The following SEC24D variants were observed in gnomAD, a reference collection of about 807,000 sequenced individuals.
SEC24D encodes the protein protein transport protein Sec24D.
A neutral mutation model predicts 116.9 loss-of-function variants in SEC24D; 69 were observed. The observed-to-expected ratio is 0.59, with a 90% confidence interval of 0.49 to 0.72. The LOEUF (loss-of-function observed/expected upper bound fraction) is 0.72, where lower values mean the gene tolerates loss of function less well. Among genes scored for constraint, SEC24D ranks in the 30% least tolerant of loss-of-function variants. SEC24D has a pLI of 0.00. For missense variants in SEC24D, 1,131 were observed against 1,264.1 expected, an observed-to-expected ratio of 0.89 and a Z score of 1.60; for synonymous variants, 405 against 442.8, an observed-to-expected ratio of 0.91 and a Z score of 1.07.
In SEC24D at chr4:118,779,314, G is replaced by A. The variant is rs571898331; in HGVS notation, c.1042-11003C>T. Among the ~76,000 whole-genome samples the A allele has an allele frequency of 1.3e-3, 202 of 152,218 alleles. 1 individual carries two copies. Among genetic ancestry groups the A allele is most frequent in the Admixed American group, 5.0e-3 (77 of 15,286 alleles). On this transcript the variant is annotated intron_variant, in intron 8 of 22. Coordinates refer to ENST00000280551, the MANE Select transcript of SEC24D (RefSeq NM_014822.4). ...TTTATTAAGAGTTTTTAGCATGAAG[G>A]GTTGTTGAATTTTGTCAAAGGCCTT...
At chr4:118,810,562 A>G (rs1729879335) in intron 6 of SEC24D, among the ~76,000 whole-genome samples, 1 of 152,222 alleles carries the variant, frequency 6.6e-6, no homozygotes, top group Non-Finnish European at 1.5e-5. Flanking sequence ...GGAATTACCT[A>G]GAGTGGTGCT....
intron 13 of SEC24D, among the ~76,000 whole-genome samples, chr4:118,746,044 T>C (rs1013080734): frequency 6.6e-6 from 1 of 151,972 alleles, no homozygotes; most frequent in Non-Finnish European, 1.5e-5. Flanking sequence ...AGCATGGTGA[T>C]GCATGCTTGT....
At chr4:118,785,360 G>A (rs1728624733) in intron 8 of SEC24D, among the ~76,000 whole-genome samples, 1 of 152,130 alleles carries the variant, frequency 6.6e-6, no homozygotes, top group Admixed American at 6.5e-5. Context: ...TCCTAGAAAT[G>A]CAATAGTGAG....
chr4:118,800,020 G>A (rs1406680019), intron 7 of SEC24D, among the ~76,000 whole-genome samples: 1 of 152,102 alleles, frequency 6.6e-6, no homozygotes, highest in East Asian at 1.9e-4. Context: ...ACTTACTGTG[G>A]AAATATACTT....
intron 15 of SEC24D, among the ~76,000 whole-genome samples, chr4:118,743,487 T>C (rs1726339960): frequency 6.6e-6 from 1 of 152,128 alleles, no homozygotes; most frequent in South Asian, 2.1e-4. Context: ...GCATATAACC[T>C]ACACACATTT....
chr4:118,764,728 T>C (rs1376397013), intron 10 of SEC24D, 74 bp downstream of exon 10: 1 of 876,348 alleles, frequency 1.1e-6, no homozygotes, highest in East Asian at 2.5e-5. Context: ...CAAGAGTCAG[T>C]TCTTTACATA....
chr4:118,724,926 C>A (rs1460838135), intron 22 of SEC24D, among the ~76,000 whole-genome samples: 1 of 152,196 alleles, frequency 6.6e-6, no homozygotes, highest in Non-Finnish European at 1.5e-5. Flanking sequence ...AATAGGGAAA[C>A]ACATGCAGTT....
At chr4:118,790,583 G>A (rs557817468) in intron 8 of SEC24D, among the ~76,000 whole-genome samples, 37 of 152,030 alleles carry the variant, frequency 2.4e-4, no homozygotes, top group Admixed American at 2.2e-3. Flanking sequence ...TCACTTAAAA[G>A]ACATAAAAAT....
At chr4:118,754,749 C>T (rs1319273482) in intron 11 of SEC24D, among the ~76,000 whole-genome samples, 2 of 152,118 alleles carry the variant, frequency 1.3e-5, no homozygotes, top group Non-Finnish European at 2.9e-5. Flanking sequence ...GAAGCACTGA[C>T]ACCATGGATT....
intron 13 of SEC24D, among the ~76,000 whole-genome samples, chr4:118,749,245 G>A (rs1313134644): frequency 6.6e-6 from 1 of 152,136 alleles, no homozygotes; most frequent in Non-Finnish European, 1.5e-5. Flanking sequence ...CAACAGAAAA[G>A]AGTGCACTGA....
intron 10 of SEC24D, among the ~76,000 whole-genome samples, chr4:118,760,088 G>A (rs13127508): frequency 0.61 from 92,123 of 152,130 alleles, 30,480 homozygotes; most frequent in Non-Finnish European, 0.72. Context: ...TAATTGTGAA[G>A]GCCCACGTGG....
intron 8 of SEC24D, among the ~76,000 whole-genome samples, chr4:118,792,378 C>G (rs902037058): frequency 7.2e-5 from 11 of 152,328 alleles, no homozygotes; most frequent in Admixed American, 2.0e-4. Context: ...GGCCGCCACC[C>G]CTTCTGGGAG....
chr4:118,770,030 G>T (rs1020282816), intron 8 of SEC24D, among the ~76,000 whole-genome samples: 2 of 152,162 alleles, frequency 1.3e-5, no homozygotes, highest in African/African-American at 2.4e-5. Context: ...GGTCCTGAAG[G>T]CTACCTGGTC....
At chr4:118,817,229 A>G (rs916362350) in intron 4 of SEC24D, 35 bp downstream of exon 4, 1 of 1,551,198 alleles carries the variant, frequency 6.4e-7, no homozygotes, top group Admixed American at 2.0e-5. Context: ...CCAGGACACA[A>G]GGCAGTCAAT....
At chr4:118,779,291 T>C (rs1728289664) in intron 8 of SEC24D, among the ~76,000 whole-genome samples, 1 of 152,214 alleles carries the variant, frequency 6.6e-6, no homozygotes, top group Non-Finnish European at 1.5e-5. Flanking sequence ...ATACCTAGTT[T>C]ATTAAGAGTT....
intron 7 of SEC24D, among the ~76,000 whole-genome samples, chr4:118,805,564 G>C (rs1162773768): frequency 6.6e-6 from 1 of 151,926 alleles, no homozygotes; most frequent in Non-Finnish European, 1.5e-5. Context: ...ACCAAAGTAG[G>C]GTATAAACTA....
Position 118,740,956 on chromosome 4 carries a change from C to G in SEC24D, c.2077G>C (p.Val693Leu), listed in dbSNP as rs754427401. The G allele has an allele frequency of 4.4e-6, 7 of 1,599,904 alleles. No homozygotes were observed. In the African/African-American group the frequency reaches 9.4e-5, roughly 21 times the overall value. ...TGATAATTACCTGTGCTGGTACGAA[C>G]CCTCATAATAGCATCAAAGCCTATT... Reference protein sequence around the residue: ...KKIGFDAIMRVRTSTGFRATD... With the variant: ...KKIGFDAIMRLRTSTGFRATD... Residue 693 changes from valine to leucine, a missense_variant, in exon 16 of 23, where the codon GTT becomes CTT. Transcript: ENST00000280551.
chr4:118,778,574 T>A (rs1040518674), intron 8 of SEC24D, among the ~76,000 whole-genome samples: 2 of 152,264 alleles, frequency 1.3e-5, no homozygotes, highest in Non-Finnish European at 2.9e-5. Context: ...TGCTTAGGAT[T>A]GCTTTGGCAA....
Position 118,746,573 on chromosome 4 carries a change from A to T in SEC24D, c.1708-1513T>A, listed in dbSNP as rs983906009. Among the ~76,000 whole-genome samples, 38 of 151,844 alleles carry T rather than the reference A, an allele frequency of 2.5e-4. 1 individual carries two copies. Among genetic ancestry groups the T allele is most frequent in the Non-Finnish European group, 1.5e-4 (10 of 67,984 alleles). On this transcript the variant is annotated intron_variant, in intron 13 of 22. Transcript: ENST00000280551. Reference sequence around the variant, plus strand: ...TATTTCCAACATGTCTTTACCCCTGACATCTGCTTGCACTGGAAGTTTTAG... The same window carrying T: ...TATTTCCAACATGTCTTTACCCCTGTCATCTGCTTGCACTGGAAGTTTTAG...
Sources: gnomAD v4.1 joint callset for allele counts (sites outside exome capture counted in the v4.1 genomes callset) on GRCh38, gnomAD v4.1.1 for gene constraint, MANE v1.5 for transcripts, NCBI Gene and HGNC (gene_info 2026-07-23, HGNC 2026-07-21) for gene names.